Variants in ATRNL1 observed in about 807,000 individuals in gnomAD.
ATRNL1 encodes the protein attractin-like protein 1.
In ATRNL1, 95 loss-of-function variants were observed where a neutral mutation model predicts 182.7. The observed-to-expected ratio is 0.52, with a 90% CI of 0.44 to 0.62. The LOEUF (loss-of-function observed/expected upper bound fraction) is 0.62. Ranked by LOEUF, ATRNL1 falls within the 20% of genes least tolerant of loss-of-function variation. The pLI is 0.00. For synonymous variants in ATRNL1, 576 were observed against 568.3 expected (o/e 1.01, Z -0.19); for missense variants, 1,471 against 1,679.5 (o/e 0.88, Z 2.17).
At chr10:115,107,330 G>C (rs1006455043) in intron 1 of ATRNL1, among the ~76,000 whole-genome samples, 1 of 151,648 alleles carries the variant, frequency 6.6e-6, no homozygotes, top group Non-Finnish European at 1.5e-5. Flanking sequence ...CGTTCCAAAA[G>C]AAAAAAAGGG....
intron 26 of ATRNL1, among the ~76,000 whole-genome samples, chr10:115,623,817 C>A (rs1219096664): frequency 1.3e-5 from 2 of 151,736 alleles, no homozygotes; most frequent in Admixed American, 6.6e-5. Context: ...TTTCTTGATT[C>A]TTGTAAAATA....
intron 20 of ATRNL1, among the ~76,000 whole-genome samples, chr10:115,395,997 A>G (rs1844270652): frequency 6.6e-6 from 1 of 151,804 alleles, no homozygotes; most frequent in Non-Finnish European, 1.5e-5. Flanking sequence ...TCAAAACTAT[A>G]AATATATAAA....
chr10:115,271,964 C>A (rs75961132), intron 13 of ATRNL1, among the ~76,000 whole-genome samples: 1,782 of 152,254 alleles, frequency 0.012, 34 homozygotes, highest in African/African-American at 0.04. Flanking sequence ...CTTGTTGATA[C>A]GTGAGCTCTT....
chr10:115,193,770 G>A (rs557821580), intron 8 of ATRNL1, among the ~76,000 whole-genome samples: 72 of 150,662 alleles, frequency 4.8e-4, no homozygotes, highest in African/African-American at 1.6e-3. Flanking sequence ...TTCTCTTTGT[G>A]TTCTTTAAGA....
intron 25 of ATRNL1, among the ~76,000 whole-genome samples, chr10:115,546,453 C>T (rs538551276): frequency 6.6e-6 from 1 of 151,908 alleles, no homozygotes; most frequent in South Asian, 2.1e-4. Flanking sequence ...GTAGTCCCAG[C>T]TACTCAGGAG....
chr10:115,815,827 A>G (rs1210609376), intron 27 of ATRNL1, among the ~76,000 whole-genome samples: 1 of 152,136 alleles, frequency 6.6e-6, no homozygotes, highest in Non-Finnish European at 1.5e-5. Context: ...AATATATGCT[A>G]TACATTTTAT....
At chr10:115,371,172 T>C (rs1554947951) in intron 19 of ATRNL1, among the ~76,000 whole-genome samples, 1 of 152,112 alleles carries the variant, frequency 6.6e-6, no homozygotes, top group East Asian at 1.9e-4. Flanking sequence ...AGGCAGAAGT[T>C]CACTTCAGGG....
intron 26 of ATRNL1, among the ~76,000 whole-genome samples, chr10:115,575,816 A>C (rs1854669797): frequency 1.3e-5 from 2 of 151,994 alleles, no homozygotes; most frequent in Non-Finnish European, 2.9e-5. Context: ...TTTTAGCTAT[A>C]TCCTTCTGCT....
intron 19 of ATRNL1, among the ~76,000 whole-genome samples, chr10:115,338,554 G>T (rs567026111): frequency 1.1e-4 from 17 of 152,142 alleles, no homozygotes; most frequent in Non-Finnish European, 1.8e-4. Flanking sequence ...CAAATATTTT[G>T]CCCACTTTTT....
chr10:115,565,025 T>C, intron 26 of ATRNL1, among the ~76,000 whole-genome samples: 1 of 152,046 alleles, frequency 6.6e-6, no homozygotes, highest in East Asian at 1.9e-4. Flanking sequence ...TATTTCTCTT[T>C]ACTATTTATT....
At chr10:115,749,245 G>C (rs536342345) in intron 27 of ATRNL1, among the ~76,000 whole-genome samples, 48 of 151,634 alleles carry the variant, frequency 3.2e-4, no homozygotes, top group Admixed American at 2.8e-3. Context: ...TATTTTTATT[G>C]TACTTATTTT....
chr10:115,864,497 T>G (rs1453251472), intron 28 of ATRNL1, among the ~76,000 whole-genome samples: 2 of 152,190 alleles, frequency 1.3e-5, no homozygotes, highest in Non-Finnish European at 2.9e-5. Context: ...ACAAGACATT[T>G]ATTGATTACA....
intron 24 of ATRNL1, among the ~76,000 whole-genome samples, chr10:115,481,166 GT>G (rs568195593): frequency 5.7e-4 from 85 of 149,796 alleles, no homozygotes; most frequent in African/African-American, 2.0e-3. Flanking sequence ...AACTACCCTG[GT>G]TTTTATATAA....
intron 21 of ATRNL1, among the ~76,000 whole-genome samples, chr10:115,442,215 C>T (rs1216660650): frequency 2.0e-5 from 3 of 149,874 alleles, no homozygotes; most frequent in African/African-American, 5.0e-5. Context: ...ATTCTAAGCA[C>T]AGTGGAATTA....
intron 5 of ATRNL1, among the ~76,000 whole-genome samples, chr10:115,142,129 G>C (rs1381652158): frequency 6.6e-6 from 1 of 152,114 alleles, no homozygotes; most frequent in African/African-American, 2.4e-5. Flanking sequence ...TAGTATGTTA[G>C]AAGGTGATAA....
intron 19 of ATRNL1, among the ~76,000 whole-genome samples, chr10:115,350,512 G>A (rs1172994090): frequency 1.3e-5 from 2 of 151,968 alleles, no homozygotes; most frequent in Non-Finnish European, 1.5e-5. Context: ...AATTTTCTGA[G>A]CACCATTTAT....
chr10:115,345,216 C>T (rs1267222720), intron 19 of ATRNL1, among the ~76,000 whole-genome samples: 2 of 152,232 alleles, frequency 1.3e-5, no homozygotes, highest in African/African-American at 2.4e-5. Flanking sequence ...CTTTCAACTT[C>T]ATTTAAAGAC....
At chr10:115,817,877 G>GTTTTTTTTT (rs35087740) in intron 27 of ATRNL1, among the ~76,000 whole-genome samples, 4 of 133,888 alleles carry the variant, frequency 3.0e-5, no homozygotes, top group African/African-American at 5.5e-5. Flanking sequence ...TTTACGTTGT[G>GTTTTTTTTT]TTTTTTTTTT....
intron 28 of ATRNL1, among the ~76,000 whole-genome samples, chr10:115,866,983 C>T (rs72830992): frequency 0.2 from 30,465 of 152,046 alleles, 3,151 homozygotes; most frequent in African/African-American, 0.23. Context: ...GAATTTCAGG[C>T]TTGCTCAGAC....
Sources: gnomAD v4.1 joint callset for allele counts (sites outside exome capture counted in the v4.1 genomes callset) on GRCh38, gnomAD v4.1.1 for gene constraint, MANE v1.5 for transcripts, NCBI Gene and HGNC (gene_info 2026-07-23, HGNC 2026-07-21) for gene names.